AKR1D1: variants seen among roughly 807,000 people sequenced by gnomAD.
AKR1D1 encodes the protein aldo-keto reductase family 1 member D1, also known as delta(4)-3-ketosteroid 5-beta-reductase.
Under a neutral mutation model 42.6 loss-of-function variants are expected in AKR1D1, and 32 were observed. The observed-to-expected ratio is 0.75, with a 90% CI of 0.57 to 1.01. AKR1D1 has a LOEUF of 1.01. AKR1D1 is among the 50% of genes least tolerant of loss of function. AKR1D1 has a pLI of 0.00. For missense variants in AKR1D1, 364 were observed against 402.2 expected, an observed-to-expected ratio of 0.91 and a Z score of 0.81; for synonymous variants, 123 against 135.5, an observed-to-expected ratio of 0.91 and a Z score of 0.64.
At position 138,088,653 on chromosome 7, in the gene AKR1D1, A is replaced by G. The variant is rs2117427477; in HGVS notation, c.146A>G (p.Tyr49Cys). The change falls in exon 2 of 9, where the codon TAC becomes TGC. Residue 49 changes from tyrosine (Y) to cysteine (C), a missense_variant. Transcript: ENST00000242375. ...GTGAAGGTTGCTATTGACACAGGGTACCGACATATTGATGGGGCCTACATC... is the reference window on the plus strand; with the variant it reads ...GTGAAGGTTGCTATTGACACAGGGTGCCGACATATTGATGGGGCCTACATC... ...TSVKVAIDTG[Y>C]RHIDGAYIYQ... The G allele has an allele frequency of 6.2e-7, 1 of 1,614,160 alleles. No individual in the cohort carries two copies. Among genetic ancestry groups the G allele is most frequent in the Non-Finnish European group, 8.5e-7 (1 of 1,180,030 alleles).
chr7:138,108,344 A>G (rs533866018), intron 7 of AKR1D1, among the ~76,000 whole-genome samples: 1 of 152,366 alleles, frequency 6.6e-6, no homozygotes, highest in African/African-American at 2.4e-5. Flanking sequence ...TAGCTAATTT[A>G]CATTTCAAAA....
chr7:138,098,068 G>C (rs1585731931), intron 4 of AKR1D1, 125 bp downstream of exon 4: 1 of 799,976 alleles, frequency 1.3e-6, no homozygotes, highest in South Asian at 1.4e-5. Context: ...AGTCAGAACA[G>C]GCATTCCTAA....
intron 4 of AKR1D1, among the ~76,000 whole-genome samples, chr7:138,102,617 AC>A (rs1439739254): frequency 6.6e-6 from 1 of 152,228 alleles, no homozygotes; most frequent in East Asian, 1.9e-4. Flanking sequence ...GAATTATTAT[AC>A]AACTATTAGA....
intron 4 of AKR1D1, 124 bp from the exon 5 acceptor site, chr7:138,105,183 C>G: frequency 7.4e-7 from 1 of 1,357,972 alleles, no homozygotes; most frequent in Non-Finnish European, 1.0e-6. Flanking sequence ...TACTTTTTTT[C>G]GCAAGATGCT....
rs564989303 is a variant in AKR1D1 at position 138,095,686 on chromosome 7, C to T, written c.379-2180C>T. ...GATTACAGGCGCCCGCCATCATGCC[C>T]GGCTAATTTTTGTATTTTTAGTAGA... On this transcript the variant is annotated intron_variant, in intron 3 of 8. Coordinates refer to ENST00000242375, the MANE Select transcript of AKR1D1 (RefSeq NM_005989.4). Among the ~76,000 whole-genome samples the T allele has an allele frequency of 9.2e-4, 140 of 152,112 alleles. 1 individual carries two copies. Among genetic ancestry groups the T allele is most frequent in the African/African-American group, 3.1e-3 (127 of 41,506 alleles).
chr7:138,097,955 T>G lies in AKR1D1; in HGVS notation c.456+12T>G, dbSNP rs781601405. 2.5e-6 allele frequency: 4 copies of G among 1,597,364 alleles called. No homozygotes were observed. In the Admixed American group the frequency reaches 6.7e-5, roughly 27 times the overall value. ...GTGCCACTTGGGAGGTAAGTTCAAA[T>G]GTGCTTCTTATTTTAAAAGACGATA... is the stretch of plus-strand genomic sequence containing the variant. On this transcript the variant is annotated intron_variant, in intron 4 of 8. Coordinates refer to ENST00000242375, the MANE Select transcript of AKR1D1 (RefSeq NM_005989.4).
At chr7:138,088,800 C>G in intron 2 of AKR1D1, 32 bp downstream of exon 2, 12 of 1,564,826 alleles carry the variant, frequency 7.7e-6, no homozygotes, top group Non-Finnish European at 1.0e-5. Flanking sequence ...CCACTGGGGA[C>G]AGTGAGAAGG....
At chr7:138,100,736 G>A (rs1794287834) in intron 4 of AKR1D1, among the ~76,000 whole-genome samples, 2 of 114,592 alleles carry the variant, frequency 1.7e-5, no homozygotes, top group African/African-American at 7.0e-5. Flanking sequence ...GCGGAGTCTC[G>A]CTCTGCCGCC....
Position 138,117,994 on chromosome 7 carries a change from G to C in AKR1D1, c.*1332G>C, listed in dbSNP as rs1202326452. ...AGATAGCGCCACTGCAGTCCGGCCT[G>C]GGTGAAAGAGCGAGACTCCGTCTCA... is the stretch of plus-strand genomic sequence containing the variant. On this transcript the variant is annotated 3_prime_UTR_variant, in exon 9 of 9. Transcript: ENST00000242375. 1 of 152,140 alleles carries C rather than the reference G, an allele frequency of 6.6e-6. No individual in the cohort carries two copies. The highest frequency in any genetic ancestry group is 1.5e-5 in the Non-Finnish European group (1 of 68,044). 9.4% of individuals were successfully genotyped at this position (152,140 alleles called of 1,614,324 possible).
intron 3 of AKR1D1, 44 bp downstream of exon 3, chr7:138,091,928 C>A: frequency 7.7e-7 from 1 of 1,299,798 alleles, no homozygotes. Context: ...ACCCTGGCAA[C>A]CATGAGCCAA....
Position 138,101,182 on chromosome 7 carries a change from TC to T in AKR1D1, c.456+3242del, listed in dbSNP as rs1562935827. Among the ~76,000 whole-genome samples, 82 of 19,002 alleles carry T rather than the reference TC, an allele frequency of 4.3e-3. 1 individual carries two copies. Among genetic ancestry groups the T allele is most frequent in the African/African-American group, 0.02 (80 of 3,956 alleles). The allele number at this position is 19,002 out of a possible 152,430, so 12.5% of individuals were successfully genotyped here. ...CTCCCTCCCTCCCTCCCTCCCTCCC[TC>T]CCTCCCTCCCTTCCTTCCTTCCTTC... On this transcript the variant is annotated intron_variant, in intron 4 of 8. Coordinates refer to ENST00000242375, the MANE Select transcript of AKR1D1 (RefSeq NM_005989.4).
Position 138,106,624 on chromosome 7 carries a change from A to ATT in AKR1D1, c.598_599dup (p.Thr201SerfsTer7). On this transcript the variant is annotated frameshift_variant, in exon 6 of 9. Coordinates refer to ENST00000242375, the MANE Select transcript of AKR1D1 (RefSeq NM_005989.4). LOFTEE classifies it high-confidence loss of function. ...ACCACATAGGTTGAGTGCCATCCGT[A>ATT]TTTCACCCAGCCAAAACTCTTGAAA... 1 of 1,614,140 alleles carries ATT rather than the reference A, an allele frequency of 6.2e-7. No homozygotes were observed. The highest frequency in any genetic ancestry group is 8.5e-7 in the Non-Finnish European group (1 of 1,179,994).
intron 7 of AKR1D1, among the ~76,000 whole-genome samples, chr7:138,110,356 TG>T (rs1794514321): frequency 6.6e-6 from 1 of 152,152 alleles, no homozygotes. Context: ...CCCAGCACTT[TG>T]GGAGGCCGAG....
At chr7:138,113,224 G>T (rs886341603) in intron 7 of AKR1D1, among the ~76,000 whole-genome samples, 1 of 151,870 alleles carries the variant, frequency 6.6e-6, no homozygotes, top group Non-Finnish European at 1.5e-5. Context: ...ACTGAGGCAT[G>T]AGACTAGCTT....
chr7:138,097,443 G>T (rs116847650), intron 3 of AKR1D1, among the ~76,000 whole-genome samples: 1,573 of 152,354 alleles, frequency 0.01, 18 homozygotes, highest in Non-Finnish European at 0.013. Flanking sequence ...GAAAGCTCTG[G>T]AGACAAAGTT....
chr7:138,107,716 C>A, intron 7 of AKR1D1, 136 bp downstream of exon 7: 3 of 894,550 alleles, frequency 3.4e-6, no homozygotes, highest in Non-Finnish European at 5.2e-6. Flanking sequence ...ACCCATGTAG[C>A]CCATATCTAG....
intron 1 of AKR1D1, among the ~76,000 whole-genome samples, chr7:138,085,987 A>G (rs1803167306): frequency 6.6e-6 from 1 of 151,922 alleles, no homozygotes. Context: ...AGGCAGGAGG[A>G]TCACTTGAGC....
At chr7:138,100,687 T>C (rs1794283276) in intron 4 of AKR1D1, among the ~76,000 whole-genome samples, 1 of 147,074 alleles carries the variant, frequency 6.8e-6, no homozygotes, top group Non-Finnish European at 1.5e-5. Flanking sequence ...TCCACATTTA[T>C]AGTCAGAGAT....
intron 4 of AKR1D1, among the ~76,000 whole-genome samples, chr7:138,099,941 G>C (rs13244061): frequency 6.7e-6 from 1 of 150,176 alleles, no homozygotes; most frequent in Admixed American, 6.6e-5. Flanking sequence ...GGAATATCAC[G>C]GGTGAGGTGA....
Sources: allele counts gnomAD v4.1 joint callset (sites outside exome capture counted in the v4.1 genomes callset), GRCh38; gene constraint gnomAD v4.1.1; transcripts MANE v1.5; gene names NCBI Gene and HGNC (gene_info 2026-07-23, HGNC 2026-07-21).